MYCBP2: variants seen among roughly 807,000 people sequenced by gnomAD.
MYCBP2 encodes MYC binding protein 2.
In MYCBP2, 120 loss-of-function variants were observed where a neutral mutation model predicts 525.3. The observed-to-expected ratio is 0.23, with a 90% CI of 0.20 to 0.27. The LOEUF (loss-of-function observed/expected upper bound fraction) is 0.27. Among genes scored for constraint, MYCBP2 ranks in the 10% least tolerant of loss-of-function variants. MYCBP2 has a pLI of 1.00. For missense variants in MYCBP2, 4,149 were observed against 5,657.1 expected, an observed-to-expected ratio of 0.73 and a Z score of 8.55; for synonymous variants, 1,894 against 1,955.8, an observed-to-expected ratio of 0.97 and a Z score of 0.83.
chr13:77,189,641 C>T (rs774344770), intron 29 of MYCBP2, among the ~76,000 whole-genome samples: 13 of 152,026 alleles, frequency 8.6e-5, no homozygotes, highest in Non-Finnish European at 1.6e-4. Flanking sequence ...CATTTGAATT[C>T]TTTATTCTAA....
At chr13:77,188,261 T>C (rs367548727) in intron 30 of MYCBP2, among the ~76,000 whole-genome samples, 22 of 152,164 alleles carry the variant, frequency 1.4e-4, no homozygotes, top group African/African-American at 5.3e-4. Context: ...AGAAACATTC[T>C]TCCTATGCAT....
rs573607221 is a variant in MYCBP2, at chr13:77,046,718, A to G, written c.13922-1225T>C. ...AAGACAGCTAATCTCAGAGAAGTCAACTTCAGGTTAGAGCTAACAGGCATG... is the reference window on the plus strand; with the variant it reads ...AAGACAGCTAATCTCAGAGAAGTCAGCTTCAGGTTAGAGCTAACAGGCATG... On this transcript the variant is annotated intron_variant, in intron 82 of 82. Coordinates refer to ENST00000544440, the MANE Select transcript of MYCBP2 (RefSeq NM_015057.5). 3.9e-5 allele frequency among the ~76,000 whole-genome samples: 6 copies of G among 152,350 alleles called. No individual in the cohort carries two copies. In the East Asian group the frequency reaches 1.2e-3, roughly 29 times the overall value.
At chr13:77,115,074 T>C (rs2049485963) in intron 55 of MYCBP2, among the ~76,000 whole-genome samples, 1 of 151,934 alleles carries the variant, frequency 6.6e-6, no homozygotes, top group South Asian at 2.1e-4. Flanking sequence ...TTTGAAGATG[T>C]TCTCTGAGTA....
chr13:77,212,086 T>G lies in MYCBP2; in HGVS notation c.3132A>C (p.Gly1044=), dbSNP rs1182002895. ...NAKPAPMPNI[G]SKYGRKATWI... The stretch of plus-strand genomic sequence containing the variant: ...AAGTAGCTTTTCTTCCATATTTTGA[T>G]CCAATGTTAGGCATGGGAGCTGGCT... The change falls in exon 22 of 83, where the codon GGA becomes GGC. Residue 1044 remains glycine, a synonymous_variant. Coordinates refer to ENST00000544440, the MANE Select transcript of MYCBP2 (RefSeq NM_015057.5). 1 of 1,614,114 alleles carries G rather than the reference T, an allele frequency of 6.2e-7. No homozygotes were observed. The highest frequency in any genetic ancestry group is 8.5e-7 in the Non-Finnish European group (1 of 1,179,992).
At chr13:77,131,517 A>AACACACACAC (rs55921143) in intron 52 of MYCBP2, among the ~76,000 whole-genome samples, 1 of 146,494 alleles carries the variant, frequency 6.8e-6, no homozygotes, top group African/African-American at 2.5e-5. Flanking sequence ...CACACAAACA[A>AACACACACAC]ACACACACAC....
chr13:77,251,402 T>C (rs1419227046), intron 14 of MYCBP2, 47 bp from the exon 15 acceptor site: 16 of 1,487,868 alleles, frequency 1.1e-5, no homozygotes, highest in Non-Finnish European at 1.4e-5. Context: ...TACTTTCATG[T>C]ATAAAAGATG....
chr13:77,198,350 TC>T (rs1327622730), intron 26 of MYCBP2, among the ~76,000 whole-genome samples: 1 of 152,240 alleles, frequency 6.6e-6, no homozygotes, highest in African/African-American at 2.4e-5. Flanking sequence ...AGCAAATATT[TC>T]TTTAAGTTTG....
At chr13:77,207,239 T>C (rs1037017332) in intron 23 of MYCBP2, among the ~76,000 whole-genome samples, 1 of 152,134 alleles carries the variant, frequency 6.6e-6, no homozygotes, top group South Asian at 2.1e-4. Flanking sequence ...AATCAATCCA[T>C]AGCAAAAATT....
intron 40 of MYCBP2, among the ~76,000 whole-genome samples, chr13:77,167,327 A>C (rs2058660040): frequency 1.3e-5 from 2 of 152,178 alleles, no homozygotes; most frequent in African/African-American, 4.8e-5. Context: ...CAAACATATA[A>C]AGGGAGCCTG....
intron 15 of MYCBP2, among the ~76,000 whole-genome samples, chr13:77,249,059 T>C (rs1378777862): frequency 6.6e-6 from 1 of 151,784 alleles, no homozygotes. Context: ...GTACCTAGAG[T>C]AGTCAATCAG....
chr13:77,259,862 T>C (rs1423509988), intron 13 of MYCBP2, among the ~76,000 whole-genome samples: 1 of 152,190 alleles, frequency 6.6e-6, no homozygotes, highest in Non-Finnish European at 1.5e-5. Context: ...ATGACAAGTT[T>C]TTGAGATTAG....
intron 1 of MYCBP2, among the ~76,000 whole-genome samples, chr13:77,324,223 T>C (rs1478773590): frequency 2.0e-5 from 3 of 152,250 alleles, no homozygotes; most frequent in Non-Finnish European, 4.4e-5. Context: ...TCCACTCTCC[T>C]AGAGCCACAG....
chr13:77,060,960 C>T (rs1466166726), intron 76 of MYCBP2, among the ~76,000 whole-genome samples: 1 of 152,156 alleles, frequency 6.6e-6, no homozygotes, highest in Non-Finnish European at 1.5e-5. Context: ...CACCACACAG[C>T]TAGTTAGTGG....
Position 77,185,903 on chromosome 13 carries a change from C to A in MYCBP2, c.4412G>T (p.Arg1471Leu). Residue 1471 changes from arginine (R) to leucine (L), a missense_variant, in exon 31 of 83, where the codon CGT becomes CTT. Arg to Leu is a moderately radical substitution (Grantham distance 102). This residue lies in a region of MYCBP2 where 292 missense variants were observed against 330.5 expected (regional missense o/e 0.88). Transcript: ENST00000544440. ...FVGTCCLRLL[R>L]VYTCEIYPVS... ...TGGGTAAATTTCACAGGTATAGACA[C>A]GCAATAACCTCAGACAACAGGTACC... is the stretch of plus-strand genomic sequence containing the variant. 1.2e-6 allele frequency: 2 copies of A among 1,610,276 alleles called. No homozygotes were observed. Among genetic ancestry groups the A allele is most frequent in the Non-Finnish European group, 1.7e-6 (2 of 1,178,728 alleles).
At chr13:77,119,591 G>C (rs142120541) in intron 55 of MYCBP2, among the ~76,000 whole-genome samples, 2 of 152,148 alleles carry the variant, frequency 1.3e-5, no homozygotes, top group East Asian at 1.9e-4. Flanking sequence ...ACAGTATTAA[G>C]AGTTAAAATG....
intron 49 of MYCBP2, chr13:77,144,192 C>T (rs990463442): frequency 2.6e-5 from 12 of 468,304 alleles, no homozygotes; most frequent in Admixed American, 1.1e-4. Flanking sequence ...AGAGAGCACA[C>T]CTGACTAGTA....
At chr13:77,324,599 G>A (rs2082076809) in intron 1 of MYCBP2, among the ~76,000 whole-genome samples, 2 of 152,188 alleles carry the variant, frequency 1.3e-5, no homozygotes, top group African/African-American at 4.8e-5. Context: ...ATAACATAAT[G>A]CTGATTTCCA....
At chr13:77,121,730 T>C (rs1006575835) in intron 54 of MYCBP2, among the ~76,000 whole-genome samples, 3 of 152,202 alleles carry the variant, frequency 2.0e-5, no homozygotes, top group African/African-American at 2.4e-5. Context: ...GATAGGCTCT[T>C]ATGAAGCCAA....
chr13:77,075,338 TAAAA>T (rs1248315246), intron 68 of MYCBP2, among the ~76,000 whole-genome samples: 2 of 152,084 alleles, frequency 1.3e-5, no homozygotes, highest in African/African-American at 4.8e-5. Flanking sequence ...TAATCTAACT[TAAAA>T]AAAGATTCTC....
Sources: gnomAD v4.1 joint callset for allele counts (sites outside exome capture counted in the v4.1 genomes callset) on GRCh38, gnomAD v4.1.1 for gene constraint, gnomAD v4.1.1 regional missense constraint, MANE v1.5 for transcripts, NCBI Gene and HGNC (gene_info 2026-07-23, HGNC 2026-07-21) for gene names.